EEA1: variants seen among roughly 807,000 people sequenced by gnomAD.
The protein encoded by EEA1 is early endosome antigen 1, 162kD.
EEA1 carries 111 observed loss-of-function variants against 209.2 expected under a neutral mutation model. The observed-to-expected ratio is 0.53, with a 90% CI of 0.45 to 0.62. EEA1 has a LOEUF of 0.62. Among genes scored for constraint, EEA1 ranks in the 20% least tolerant of loss-of-function variants. The probability of loss-of-function intolerance (pLI) is 0.00; values close to 1 mark genes in which losing one functional copy is unlikely to be tolerated. For missense variants in EEA1, 1,343 were observed against 1,530.8 expected (o/e 0.88, Z 2.05); for synonymous variants, 536 against 540.6 (o/e 0.99, Z 0.12).
intron 3 of EEA1, among the ~76,000 whole-genome samples, chr12:92,862,660 G>A (rs1191076979): frequency 6.6e-6 from 1 of 151,980 alleles, no homozygotes; most frequent in Non-Finnish European, 1.5e-5. Context: ...TAAAGATAGA[G>A]AGCCAACTAT....
chr12:92,859,258 A>C (rs1878025616), intron 3 of EEA1: 4 of 1,605,910 alleles, frequency 2.5e-6, no homozygotes, highest in Non-Finnish European at 3.4e-6. Context: ...GGAAGTGCCC[A>C]AAAAGCTTAA....
chr12:92,857,985 G>A, intron 3 of EEA1: 1 of 326,086 alleles, frequency 3.1e-6, no homozygotes, highest in South Asian at 3.3e-5. Context: ...ACTGCGCACT[G>A]AGTAGAATGC....
In EEA1 at chr12:92,853,003, T is replaced by C. The variant is rs1386271982; in HGVS notation, c.429A>G (p.Gln143=). 1 of 1,609,868 alleles carries C rather than the reference T, an allele frequency of 6.2e-7. No homozygotes were observed. Among genetic ancestry groups the C allele is most frequent in the Non-Finnish European group, 8.5e-7 (1 of 1,177,816 alleles). Residue 143 remains glutamine, a synonymous_variant, in exon 7 of 29, where the codon CAA becomes CAG. Transcript: ENST00000322349. ...AATTTTCTGTTTGGGCTTCTTCTAA[T>C]TGCTGTTCCAAAGACTGTAGTTCTA... The part of the protein sequence containing the change: ...SSAELQSLEQ[Q]LEEAQTENFN...
At position 92,779,186 on chromosome 12, in the gene EEA1, T is replaced by A. The variant is rs756347563; in HGVS notation, c.3583A>T (p.Ile1195Leu). 6.2e-7 allele frequency: 1 copy of A among 1,611,776 alleles called. No homozygotes were observed. The highest frequency in any genetic ancestry group is 8.5e-7 in the Non-Finnish European group (1 of 1,179,388). ...TCCTTTTTCACCTGGTCTTTTAGTA[T>A]CTGCTGATTTCTCTTCTCCTGTTCA... ...AVEQEKRNQQ[I>L]LKDQVKKEEE... Residue 1195 changes from isoleucine (I) to leucine (L), a missense_variant, in exon 25 of 29, where the codon ATA (isoleucine) becomes TTA (leucine). Physicochemically the swap from Ile to Leu is conservative, Grantham distance 5 (BLOSUM62 2). Transcript: ENST00000322349.
intron 12 of EEA1, among the ~76,000 whole-genome samples, chr12:92,827,290 G>A (rs754386980): frequency 9.2e-5 from 14 of 152,084 alleles, no homozygotes; most frequent in Non-Finnish European, 1.8e-4. Context: ...GGAGGCGGAC[G>A]TTGCAGTGAG....
In EEA1 at chr12:92,779,316, G is replaced by A. The variant is rs1425137151; in HGVS notation, c.3469-16C>T. 21 of 1,562,628 alleles carry A rather than the reference G, an allele frequency of 1.3e-5. No homozygotes were observed. The highest frequency in any genetic ancestry group is 2.2e-5 in the Admixed American group (1 of 45,020). On this transcript the variant is annotated splice_polypyrimidine_tract_variant and intron_variant, in intron 24 of 28. Coordinates refer to ENST00000322349, the MANE Select transcript of EEA1 (RefSeq NM_003566.4). ...TTGTTATCTCCTGTTGAAAAAGTAGGGCCAAAAATAAATCATCCTTCATAG... is the reference window on the plus strand; with the variant it reads ...TTGTTATCTCCTGTTGAAAAAGTAGAGCCAAAAATAAATCATCCTTCATAG...
At chr12:92,783,982 G>A (rs1438593352) in intron 22 of EEA1, among the ~76,000 whole-genome samples, 1 of 151,862 alleles carries the variant, frequency 6.6e-6, no homozygotes, top group Non-Finnish European at 1.5e-5. Flanking sequence ...TAAGCTTCCT[G>A]AAAGTTTACT....
intron 13 of EEA1, among the ~76,000 whole-genome samples, chr12:92,821,443 C>T (rs1876048534): frequency 6.6e-6 from 1 of 152,154 alleles, no homozygotes; most frequent in Non-Finnish European, 1.5e-5. Context: ...TTGTCCATTT[C>T]CTTTCACCCA....
chr12:92,910,903 C>G (rs895162048), intron 1 of EEA1, among the ~76,000 whole-genome samples: 8 of 152,138 alleles, frequency 5.3e-5, no homozygotes, highest in Admixed American at 4.6e-4. Flanking sequence ...CAGCATACAC[C>G]ATCAGGGTAA....
chr12:92,822,780 A>T (rs1045787674), intron 13 of EEA1, among the ~76,000 whole-genome samples: 6 of 152,140 alleles, frequency 3.9e-5, no homozygotes, highest in African/African-American at 1.4e-4. Flanking sequence ...CTCGGTTAAC[A>T]TATATAGCAC....
At chr12:92,914,173 G>A (rs543681375) in intron 1 of EEA1, among the ~76,000 whole-genome samples, 1 of 151,730 alleles carries the variant, frequency 6.6e-6, no homozygotes, top group South Asian at 2.1e-4. Flanking sequence ...TCACCCACCA[G>A]CCCATGCCCC....
intron 1 of EEA1, among the ~76,000 whole-genome samples, chr12:92,892,782 T>A (rs755474368): frequency 6.6e-6 from 1 of 152,160 alleles, no homozygotes. Flanking sequence ...CATGCCACCA[T>A]GTGCAGCTAA....
intron 10 of EEA1, among the ~76,000 whole-genome samples, chr12:92,833,568 A>G (rs1876763414): frequency 6.6e-6 from 1 of 152,208 alleles, no homozygotes; most frequent in African/African-American, 2.4e-5. Flanking sequence ...TTAAGTAAAC[A>G]TATTTAAGCA....
chr12:92,810,475 C>T (rs1022086379), intron 17 of EEA1, among the ~76,000 whole-genome samples: 4 of 151,912 alleles, frequency 2.6e-5, no homozygotes, highest in South Asian at 2.1e-4. Flanking sequence ...GAAAAAGGAA[C>T]CTATAAACAG....
chr12:92,798,958 T>C lies in EEA1; in HGVS notation c.2901A>G (p.Ser967=), dbSNP rs1479409171. Residue 967 remains serine (S), a synonymous_variant, in exon 21 of 29, where the codon TCA becomes TCG. Coordinates refer to ENST00000322349, the MANE Select transcript of EEA1 (RefSeq NM_003566.4). ...LQGNINELKQ[S]SEQKKKQIEA... is the part of the protein sequence containing the mutation. ...CAATTTGTTTTTTCTTCTGTTCACT[T>C]GATTGCTTTAGCTCATTTATGTTCC... is the stretch of plus-strand genomic sequence containing the variant. The C allele has an allele frequency of 1.2e-6, 2 of 1,613,028 alleles. No individual in the cohort carries two copies. The highest frequency in any genetic ancestry group is 2.7e-5 in the African/African-American group (2 of 74,888).
intron 10 of EEA1, among the ~76,000 whole-genome samples, chr12:92,833,092 TA>T (rs982874380): frequency 1.2e-4 from 18 of 149,364 alleles, no homozygotes; most frequent in South Asian, 8.4e-4. Flanking sequence ...AATGTTGACA[TA>T]AAAAAAAAAT....
At chr12:92,928,143 G>T (rs61935355) in intron 1 of EEA1, among the ~76,000 whole-genome samples, 2,438 of 141,114 alleles carry the variant, frequency 0.017, 37 homozygotes, top group Non-Finnish European at 0.027. Context: ...GCCTCAAAAA[G>T]AAAAGAAAAA....
chr12:92,899,059 AG>A (rs1880041685), intron 1 of EEA1, among the ~76,000 whole-genome samples: 1 of 151,876 alleles, frequency 6.6e-6, no homozygotes, highest in Non-Finnish European at 1.5e-5. Flanking sequence ...TATCCAAAAC[AG>A]GTAGAAAGTG....
chr12:92,811,465 G>A, intron 16 of EEA1, 31 bp from the exon 17 acceptor site: 3 of 1,476,268 alleles, frequency 2.0e-6, no homozygotes, highest in South Asian at 1.4e-5. Flanking sequence ...AGAAAACTTT[G>A]GTAAGGTTTA....
Sources: allele counts gnomAD v4.1 joint callset (sites outside exome capture counted in the v4.1 genomes callset), GRCh38; gene constraint gnomAD v4.1.1; transcripts MANE v1.5; gene names NCBI Gene and HGNC (gene_info 2026-07-23, HGNC 2026-07-21).